Variants in FBXO42 observed in about 807,000 individuals in gnomAD.
FBXO42 encodes the protein F-box only protein 42.
Under a neutral mutation model 71.7 loss-of-function variants are expected in FBXO42, and 12 were observed. The ratio of observed to expected loss-of-function variants is 0.17; its 90% CI spans 0.11 to 0.27. The LOEUF (loss-of-function observed/expected upper bound fraction) is 0.27. Ranked by LOEUF, FBXO42 falls within the 10% of genes least tolerant of loss-of-function variation. FBXO42 has a pLI of 1.00. For synonymous variants in FBXO42, 325 were observed against 327.5 expected (o/e 0.99, Z 0.08); for missense variants, 707 against 911.9 (o/e 0.78, Z 2.89).
intron 1 of FBXO42, among the ~76,000 whole-genome samples, chr1:16,328,220 A>C (rs1380682492): frequency 5.0e-4 from 76 of 152,328 alleles, no homozygotes; most frequent in Non-Finnish European, 2.9e-5. Context: ...ATCCTAGATT[A>C]TGATAAAACA....
At chr1:16,344,074 C>T (rs184160661) in intron 1 of FBXO42, among the ~76,000 whole-genome samples, 51 of 151,534 alleles carry the variant, frequency 3.4e-4, no homozygotes, top group African/African-American at 1.2e-3. Flanking sequence ...CTTGGCTCAC[C>T]GCAACCTCCA....
At position 16,315,524 on chromosome 1, in the gene FBXO42, C is replaced by T. The variant is rs75995209; in HGVS notation, c.-17-89G>A. ...TGTACATCCAAGCTCTTTGTAATTTCGTTTCCACTCTCAGTGTGAAATCTG... is the reference window on the plus strand; with the variant it reads ...TGTACATCCAAGCTCTTTGTAATTTTGTTTCCACTCTCAGTGTGAAATCTG... On this transcript the variant is annotated intron_variant, in intron 1 of 9. Coordinates refer to ENST00000375592, the MANE Select transcript of FBXO42 (RefSeq NM_018994.3). The T allele has an allele frequency of 1.4e-4, 193 of 1,337,020 alleles. No homozygotes were observed. In the Middle Eastern group the frequency reaches 2.7e-3, roughly 18 times the overall value. The allele number at this position is 1,337,020 out of a possible 1,614,324, so 82.8% of individuals were successfully genotyped here.
intron 1 of FBXO42, among the ~76,000 whole-genome samples, chr1:16,328,578 C>T (rs1291993748): frequency 6.6e-6 from 1 of 152,134 alleles, no homozygotes; most frequent in Non-Finnish European, 1.5e-5. Flanking sequence ...TAAATAGATA[C>T]AGATGGTTAC....
At chr1:16,324,673 T>C (rs1431701455) in intron 1 of FBXO42, among the ~76,000 whole-genome samples, 2 of 152,104 alleles carry the variant, frequency 1.3e-5, no homozygotes, top group Non-Finnish European at 2.9e-5. Context: ...AAAAATTAGT[T>C]GGCCATGGTG....
In FBXO42 at chr1:16,260,876, T is replaced by G. The variant is rs1004167836; in HGVS notation, c.503-4117A>C. On this transcript the variant is annotated intron_variant, in intron 4 of 9. Transcript: ENST00000375592. ...CACTACATCCAGCTAATTTTTTTCTTTTTTTGGGTAGAGATGGGGGTCTCT... is the reference window on the plus strand; with the variant it reads ...CACTACATCCAGCTAATTTTTTTCTGTTTTTGGGTAGAGATGGGGGTCTCT... Among the ~76,000 whole-genome samples, 6 of 152,136 alleles carry G rather than the reference T, an allele frequency of 3.9e-5. No individual in the cohort carries two copies. In the South Asian group the frequency reaches 1.0e-3, roughly 26 times the overall value.
intron 4 of FBXO42, among the ~76,000 whole-genome samples, chr1:16,270,108 G>A (rs1007380590): frequency 1.3e-5 from 2 of 152,000 alleles, no homozygotes; most frequent in African/African-American, 2.4e-5. Flanking sequence ...AGCCTGCCAA[G>A]GCCTCCCAAG....
intron 1 of FBXO42, among the ~76,000 whole-genome samples, chr1:16,347,659 A>G (rs2082663650): frequency 6.6e-6 from 1 of 152,132 alleles, no homozygotes; most frequent in South Asian, 2.1e-4. Context: ...GCTCCAGACC[A>G]GCTTGGCCAA....
At position 16,251,231 on chromosome 1, in the gene FBXO42, A is replaced by G; in HGVS notation, c.1593T>C (p.Pro531=). Residue 531 remains proline, a synonymous_variant, in exon 10 of 10, where the codon CCT becomes CCC. Coordinates refer to ENST00000375592, the MANE Select transcript of FBXO42 (RefSeq NM_018994.3). This position sits in a 1 kb window ranked among gnomAD's most constrained non-coding sequence, Gnocchi z 4.5. The part of the protein sequence containing the change: ...RTVGGSMRHP[P]EQTNGVHTPP... ...GGGTATGCACACCATTTGTCTGTTC[A>G]GGAGGGTGTCTCATACTTCCCCCAA... 1 of 1,614,196 alleles carries G rather than the reference A, an allele frequency of 6.2e-7. No homozygotes were observed. The highest frequency in any genetic ancestry group is 8.5e-7 in the Non-Finnish European group (1 of 1,180,038).
chr1:16,286,313 G>A (rs1359021949), intron 4 of FBXO42, among the ~76,000 whole-genome samples: 2 of 152,272 alleles, frequency 1.3e-5, no homozygotes, highest in African/African-American at 4.8e-5. Flanking sequence ...AGGTTTAATT[G>A]ACTCACAGTT....
At chr1:16,315,479 G>A (rs1008390735) in intron 1 of FBXO42, 44 bp from the exon 2 acceptor site, 1 of 1,565,482 alleles carries the variant, frequency 6.4e-7, no homozygotes, top group Non-Finnish European at 8.7e-7. Flanking sequence ...ACTGAAAGCA[G>A]CTCAAAAACA....
rs756905875 is a variant in FBXO42, at chr1:16,247,556, CTCTTT to C, written c.*3109_*3113del. The C allele has an allele frequency of 6.6e-6, 1 of 152,180 alleles. No homozygotes were observed. The highest frequency in any genetic ancestry group is 1.5e-5 in the Non-Finnish European group (1 of 68,046). 9.4% of individuals were successfully genotyped at this position (152,180 alleles called of 1,614,324 possible). A position where few individuals can be genotyped will look rare whatever the true frequency, so the allele number is the denominator to read the frequency against. ...GTTTTCTTTCTTCCTCCTCCTCCTC[CTCTTT>C]TCTTTATTTTAAAGAGTTCCAACAC... On this transcript the variant is annotated 3_prime_UTR_variant, in exon 10 of 10. Coordinates refer to ENST00000375592, the MANE Select transcript of FBXO42 (RefSeq NM_018994.3).
rs1553156680 is a variant in FBXO42 at position 16,350,753 on chromosome 1, A to AGAAAGAAAG, written c.-18+1501_-18+1502insCTTTCTTTC. On this transcript the variant is annotated intron_variant, in intron 1 of 9. Coordinates refer to ENST00000375592, the MANE Select transcript of FBXO42 (RefSeq NM_018994.3). The stretch of plus-strand genomic sequence containing the variant: ...CAGAGTGAGAAACTGCAAAAAAAAA[A>AGAAAGAAAG]AAAAAAAGAAAGAAAGAAAGAAAGA... Among the ~76,000 whole-genome samples, 258 of 28,740 alleles carry AGAAAGAAAG rather than the reference A, an allele frequency of 9.0e-3. 6 individuals are homozygous for AGAAAGAAAG. The highest frequency in any genetic ancestry group is 0.022 in the Middle Eastern group (1 of 46). 18.9% of individuals were successfully genotyped at this position (28,740 alleles called of 152,430 possible).
intron 1 of FBXO42, among the ~76,000 whole-genome samples, chr1:16,342,532 G>A (rs572234021): frequency 6.7e-6 from 1 of 149,070 alleles, no homozygotes; most frequent in African/African-American, 2.5e-5. Flanking sequence ...GGAGTAAACC[G>A]TGATCGCCCA....
intron 1 of FBXO42, among the ~76,000 whole-genome samples, chr1:16,343,697 C>T (rs1176614610): frequency 6.6e-6 from 1 of 152,002 alleles, no homozygotes; most frequent in Admixed American, 6.6e-5. Context: ...GTGGTGGGTG[C>T]CTATAATCCC....
rs1212681112 is a variant in FBXO42 at position 16,246,979 on chromosome 1, A to G, written c.*3691T>C. The G allele has an allele frequency of 6.6e-6, 1 of 152,248 alleles. No homozygotes were observed. Among genetic ancestry groups the G allele is most frequent in the African/African-American group, 2.4e-5 (1 of 41,464 alleles). 9.4% of individuals were successfully genotyped at this position (152,248 alleles called of 1,614,324 possible). ...ACACTGTTATGTGCCCAAAATGACT[A>G]TCTCAGGGTAAGCCACCTGGCATCC... On this transcript the variant is annotated 3_prime_UTR_variant, in exon 10 of 10. Coordinates refer to ENST00000375592, the MANE Select transcript of FBXO42 (RefSeq NM_018994.3).
chr1:16,325,239 AAAC>A (rs954893287), intron 1 of FBXO42, among the ~76,000 whole-genome samples: 1 of 152,176 alleles, frequency 6.6e-6, no homozygotes, highest in Admixed American at 6.6e-5. Flanking sequence ...CTCTGTCCCA[AAAC>A]AACAACAACA....
chr1:16,250,882 C>G lies in FBXO42; in HGVS notation c.1942G>C (p.Val648Leu). ...SMNCKPMQMY[V>L]LDIKDTKEKG... ...TCCTTGGTGTCTTTAATGTCCAGCA[C>G]GTACATCTGCATGGGCTTGCAGTTC... Residue 648 changes from valine to leucine, a missense_variant, in exon 10 of 10, where the codon GTG becomes CTG. By Grantham distance (32) the Val-to-Leu change is conservative. Around this residue, in one of 5 missense-constraint regions of FBXO42, gnomAD observed 482 missense variants for 587.1 expected, o/e 0.82. Transcript: ENST00000375592. The surrounding 1 kb of genome is among the most constrained non-coding windows in gnomAD (Gnocchi z 4.7). 1 of 1,614,148 alleles carries G rather than the reference C, an allele frequency of 6.2e-7. No homozygotes were observed. Among genetic ancestry groups the G allele is most frequent in the Non-Finnish European group, 8.5e-7 (1 of 1,180,032 alleles).
In FBXO42 at chr1:16,294,937, A is replaced by T; in HGVS notation, c.368-20T>A. The T allele has an allele frequency of 6.4e-7, 1 of 1,569,414 alleles. No individual in the cohort carries two copies. The highest frequency in any genetic ancestry group is 1.4e-5 in the African/African-American group (1 of 73,664). On this transcript the variant is annotated intron_variant, in intron 3 of 9. Coordinates refer to ENST00000375592, the MANE Select transcript of FBXO42 (RefSeq NM_018994.3). ...ATGCACCTAGAAAGAAAATACACAA[A>T]TAACTGCTGTGAAAATTCTGAGGCC...
At chr1:16,299,005 T>A (rs1322700964) in intron 3 of FBXO42, among the ~76,000 whole-genome samples, 5 of 151,734 alleles carry the variant, frequency 3.3e-5, no homozygotes, top group Admixed American at 2.0e-4. Context: ...GTAACAAACA[T>A]TTTTCCTTTT....
Sources: gnomAD v4.1 joint callset for allele counts (sites outside exome capture counted in the v4.1 genomes callset) on GRCh38, gnomAD v4.1.1 for gene constraint, gnomAD v4.1.1 regional missense constraint, Gnocchi (gnomAD v3.1) non-coding constraint, MANE v1.5 for transcripts, NCBI Gene and HGNC (gene_info 2026-07-23, HGNC 2026-07-21) for gene names.